Variants in RBM5 observed in about 807,000 individuals in gnomAD.
The protein encoded by RBM5 is RNA-binding protein 5.
Under a neutral mutation model 124.6 loss-of-function variants are expected in RBM5, and 15 were observed. That is an observed-to-expected ratio of 0.12 (90% CI 0.08 to 0.19). The LOEUF is 0.19. RBM5 is among the 10% of genes least tolerant of loss of function. RBM5 has a pLI of 1.00. For missense variants in RBM5, 580 were observed against 1,026.5 expected (o/e 0.57, Z 5.94); for synonymous variants, 337 against 361.2 (o/e 0.93, Z 0.76).
rs2091299673 is a variant in RBM5, at chr3:50,118,480, CAAG to C, written c.*25_*27del. On this transcript the variant is annotated 3_prime_UTR_variant, in exon 25 of 25. Transcript: ENST00000347869. The stretch of plus-strand genomic sequence containing the variant: ...GAGAGAGAGAGAGAGAGAGAGATGA[CAAG>C]GAGCACAAGAAGTGGTCCATCTCCC... 6.2e-7 allele frequency: 1 copy of C among 1,605,460 alleles called. No individual in the cohort carries two copies. The highest frequency in any genetic ancestry group is 1.3e-5 in the African/African-American group (1 of 74,788).
chr3:50,089,496 C>G (rs1404772055), intron 1 of RBM5, among the ~76,000 whole-genome samples: 1 of 152,244 alleles, frequency 6.6e-6, no homozygotes. Context: ...ACGCTGGAGT[C>G]GGTCGAGCAG....
intron 4 of RBM5, among the ~76,000 whole-genome samples, chr3:50,095,894 T>C (rs555879728): frequency 6.6e-4 from 100 of 152,252 alleles, no homozygotes; most frequent in Non-Finnish European, 1.2e-3. Context: ...GTATTTGTTT[T>C]CTTGGAGTAA....
intron 2 of RBM5, among the ~76,000 whole-genome samples, chr3:50,091,312 C>T (rs1180985848): frequency 6.6e-6 from 1 of 152,134 alleles, no homozygotes; most frequent in Non-Finnish European, 1.5e-5. Flanking sequence ...CCTTATAAAC[C>T]TTTCCTTTGC....
intron 11 of RBM5, 72 bp from the exon 12 acceptor site, chr3:50,107,410 G>A (rs911241154): frequency 2.5e-6 from 3 of 1,209,942 alleles, no homozygotes; most frequent in Admixed American, 3.4e-5. Context: ...GAGTGAATCA[G>A]TTGGTGGTAT....
At chr3:50,111,181 G>A (rs2091136218) in intron 17 of RBM5, among the ~76,000 whole-genome samples, 1 of 152,124 alleles carries the variant, frequency 6.6e-6, no homozygotes, top group African/African-American at 2.4e-5. Context: ...TACAATTTAT[G>A]GAAAGACCTA....
At chr3:50,112,847 T>A (rs924549602) in intron 17 of RBM5, 2 of 152,312 alleles carry the variant, frequency 1.3e-5, no homozygotes, top group African/African-American at 2.4e-5. Flanking sequence ...CTAGACTTTT[T>A]AAATTTTTAT....
chr3:50,114,513 A>G, intron 20 of RBM5: 1 of 440,068 alleles, frequency 2.3e-6, no homozygotes, highest in Non-Finnish European at 4.0e-6. Flanking sequence ...GGAGAGTTTT[A>G]ATGGTCTGGA....
intron 20 of RBM5, 83 bp downstream of exon 20, chr3:50,114,334 T>C (rs1275682456): frequency 3.1e-5 from 42 of 1,345,174 alleles, no homozygotes; most frequent in Non-Finnish European, 4.3e-5. Context: ...TTGGCTAATG[T>C]GATTCCTACT....
At position 50,108,252 on chromosome 3, in the gene RBM5, G is replaced by A; in HGVS notation, c.1140G>A (p.Gln380=). ...TTCAGTATTCACAGGATTATCAGCAGTTTTATCAACAACAAGCTGGAGGAT... is the reference window on the plus strand; with the variant it reads ...TTCAGTATTCACAGGATTATCAGCAATTTTATCAACAACAAGCTGGAGGAT... ...QYAQYSQDYQ[Q]FYQQQAGGLE... The change falls in exon 14 of 25, where the codon CAG becomes CAA. Residue 380 remains glutamine, a synonymous_variant. Coordinates refer to ENST00000347869, the MANE Select transcript of RBM5 (RefSeq NM_005778.4). The A allele has an allele frequency of 6.2e-7, 1 of 1,613,506 alleles. No homozygotes were observed. The highest frequency in any genetic ancestry group is 8.5e-7 in the Non-Finnish European group (1 of 1,179,402).
chr3:50,116,120 G>A (rs966150551), intron 22 of RBM5, 140 bp downstream of exon 22: 32 of 791,130 alleles, frequency 4.0e-5, no homozygotes, highest in Middle Eastern at 5.1e-4. Flanking sequence ...TGTAGTTCAT[G>A]TAGCCTAGAC....
chr3:50,103,171 G>A lies in RBM5; in HGVS notation c.567+5G>A, dbSNP rs1346672574. 1 of 1,597,590 alleles carries A rather than the reference G, an allele frequency of 6.3e-7. No individual in the cohort carries two copies. Among genetic ancestry groups the A allele is most frequent in the Admixed American group, 1.7e-5 (1 of 59,824 alleles). ...GAAGATTGGCTTTGTAACAAGGTAA[G>A]CATATGTTCTTCCCAAATAGACAAA... On this transcript the variant is annotated splice_donor_5th_base_variant and intron_variant, in intron 7 of 24. Transcript: ENST00000347869.
Position 50,088,923 on chromosome 3 carries a change from T to G in RBM5, c.-160T>G, listed in dbSNP as rs887198848. 6.6e-6 allele frequency: 1 copy of G among 152,174 alleles called. No individual in the cohort carries two copies. The highest frequency in any genetic ancestry group is 1.5e-5 in the Non-Finnish European group (1 of 68,064). 9.4% of individuals were successfully genotyped at this position (152,174 alleles called of 1,614,324 possible). On this transcript the variant is annotated 5_prime_UTR_variant, in exon 1 of 25. Transcript: ENST00000347869. ...GGGAGGGGATAAGCGTGAGGTACTG[T>G]GGGTAGGAGACGGCCGTCGGCGGAG... is the stretch of plus-strand genomic sequence containing the variant.
Position 50,115,964 on chromosome 3 carries a change from A to C in RBM5, c.2078A>C (p.Glu693Ala). The stretch of plus-strand genomic sequence containing the variant: ...AGCGAGCAGGAGCTGGAAGCCTTGG[A>C]GCTAAGGGAGAGAGAGGTGAATGGG... ...RLSEQELEALELREREMKYRD... is the reference protein window; with the variant it reads ...RLSEQELEALALREREMKYRD... Residue 693 changes from glutamate to alanine, a missense_variant, in exon 22 of 25, where the codon GAG becomes GCG. Coordinates refer to ENST00000347869, the MANE Select transcript of RBM5 (RefSeq NM_005778.4). 1 of 1,613,372 alleles carries C rather than the reference A, an allele frequency of 6.2e-7. No homozygotes were observed. The highest frequency in any genetic ancestry group is 8.5e-7 in the Non-Finnish European group (1 of 1,179,354).
Position 50,117,067 on chromosome 3 carries a change from C to T in RBM5, c.2095-7C>T. On this transcript the variant is annotated splice_polypyrimidine_tract_variant and splice_region_variant and intron_variant, in intron 22 of 24. Coordinates refer to ENST00000347869, the MANE Select transcript of RBM5 (RefSeq NM_005778.4). The surrounding 1 kb of genome is among the most constrained non-coding windows in gnomAD (Gnocchi z 4.2). ...ACATTTCCAGCAGTGTTTTTTCTCC[C>T]ATGTAGATGAAATACCGAGACCGAG... is the stretch of plus-strand genomic sequence containing the variant. 3 of 1,612,542 alleles carry T rather than the reference C, an allele frequency of 1.9e-6. No homozygotes were observed. The highest frequency in any genetic ancestry group is 1.1e-5 in the South Asian group (1 of 91,020).
chr3:50,105,791 T>C, intron 10 of RBM5, 82 bp downstream of exon 10: 2 of 1,464,120 alleles, frequency 1.4e-6, no homozygotes, highest in Non-Finnish European at 1.8e-6. Context: ...TGAAACTGTC[T>C]GAGGCTCCTA....
rs2091293832 is a variant in RBM5 at position 50,118,216 on chromosome 3, A to G, written c.2323-115A>G. Reference sequence around the variant, plus strand: ...TGGAGAAATCCTTGTCTTCATATACAGTTTTCTCTCTTCTGTCTCCTGGTG... The same window carrying G: ...TGGAGAAATCCTTGTCTTCATATACGGTTTTCTCTCTTCTGTCTCCTGGTG... On this transcript the variant is annotated intron_variant, in intron 24 of 24. Transcript: ENST00000347869. The G allele has an allele frequency of 2.9e-6, 4 of 1,377,738 alleles. 1 individual carries two copies. The highest frequency in any genetic ancestry group is 4.0e-6 in the Non-Finnish European group (4 of 1,009,804). 85.3% of individuals were successfully genotyped at this position (1,377,738 alleles called of 1,614,324 possible).
chr3:50,101,467 CA>C (rs987684429), intron 6 of RBM5: 3 of 152,182 alleles, frequency 2.0e-5, no homozygotes, highest in Non-Finnish European at 4.4e-5. Flanking sequence ...CCATTTATAA[CA>C]AGACTCACTA....
intron 9 of RBM5, 95 bp from the exon 10 acceptor site, chr3:50,105,454 A>C (rs2091010959): frequency 7.6e-7 from 1 of 1,310,418 alleles, no homozygotes; most frequent in Non-Finnish European, 1.1e-6. Flanking sequence ...GGAATGTCAC[A>C]AATGGATTTG....
Position 50,110,463 on chromosome 3 carries a change from G to T in RBM5, c.1363G>T (p.Ala455Ser). 2 of 1,613,078 alleles carry T rather than the reference G, an allele frequency of 1.2e-6. No individual in the cohort carries two copies. The highest frequency in any genetic ancestry group is 2.2e-5 in the South Asian group (2 of 91,000). ...TGGTGTAGTTCCTGGTACCAAATAT[G>T]GTAAGCCAAACCTCATGGGGCTGTT... Reference protein sequence around the residue: ...PTGVVPGTKYAVPDTSTYQYD... With the variant: ...PTGVVPGTKYSVPDTSTYQYD... The change falls in exon 16 of 25, where the codon GCA (alanine) becomes TCA (serine). Residue 455 changes from alanine (A) to serine (S), a missense_variant and splice_region_variant. Physicochemically the swap from Ala to Ser is moderately conservative, Grantham distance 99. This residue lies in a region of RBM5 where 104 missense variants were observed against 128.7 expected (regional missense o/e 0.81). Transcript: ENST00000347869.
Sources: allele counts gnomAD v4.1 joint callset (sites outside exome capture counted in the v4.1 genomes callset), GRCh38; gene constraint gnomAD v4.1.1; regional missense constraint gnomAD v4.1.1; non-coding constraint Gnocchi (gnomAD v3.1); transcripts MANE v1.5; gene names NCBI Gene and HGNC (gene_info 2026-07-23, HGNC 2026-07-21).